NFKBIZ: variants seen among roughly 807,000 people sequenced by gnomAD.
The protein encoded by NFKBIZ is NF-kappa-B inhibitor zeta.
NFKBIZ carries 19 observed loss-of-function variants against 76.8 expected under a neutral mutation model. The ratio of observed to expected loss-of-function variants is 0.25; its 90% confidence interval spans 0.17 to 0.36. The LOEUF is 0.36. Among genes scored for constraint, NFKBIZ ranks in the 10% least tolerant of loss-of-function variants. The pLI is 1.00. For synonymous variants in NFKBIZ, 368 were observed against 354.8 expected, an observed-to-expected ratio of 1.04 and a Z score of -0.42; for missense variants, 829 against 910.9, an observed-to-expected ratio of 0.91 and a Z score of 1.16.
At chr3:101,846,943 T>G (rs948039385), upstream of NFKBIZ, among the ~76,000 whole-genome samples, 35 of 152,172 alleles carry the variant, frequency 2.3e-4, no homozygotes, top group African/African-American at 8.2e-4. Context: ...CCAGGTGAGC[T>G]GGTGGTGTAA....
chr3:101,830,738 A>C (rs1388854464), intron 2 of NFKBIZ, among the ~76,000 whole-genome samples: 1 of 152,098 alleles, frequency 6.6e-6, no homozygotes, highest in Non-Finnish European at 1.5e-5. Context: ...ATGGGCATCT[A>C]GGTTGATTCC....
chr3:101,843,041 A>C (rs928069705), intron 2 of NFKBIZ, among the ~76,000 whole-genome samples: 3 of 148,394 alleles, frequency 2.0e-5, no homozygotes, highest in South Asian at 2.1e-4. Flanking sequence ...AAAAAAAAAA[A>C]AAAAAAACTT....
rs763116896 is a variant in NFKBIZ, at chr3:101,853,288, T to G, written c.762T>G (p.Cys254Trp). 8.7e-6 allele frequency: 14 copies of G among 1,614,130 alleles called. No homozygotes were observed. The East Asian group carries it at 3.1e-4, about 36-fold the overall frequency. ...CTCAGAGCTCCCCCGCAGAGCAGTGTCAGGACTTCCATGGAGGGCAGGTCT... is the reference window on the plus strand; with the variant it reads ...CTCAGAGCTCCCCCGCAGAGCAGTGGCAGGACTTCCATGGAGGGCAGGTCT... ...VVPQSSPAEQ[C>W]QDFHGGQVFS... is the part of the protein sequence containing the mutation. Residue 254 changes from cysteine (C) to tryptophan (W), a missense_variant, in exon 5 of 12, where the codon TGT becomes TGG. Cys to Trp is a radical substitution (Grantham distance 215). Coordinates refer to ENST00000326172, the MANE Select transcript of NFKBIZ (RefSeq NM_031419.4).
At position 101,849,908 on chromosome 3, in the gene NFKBIZ, C is replaced by T. The variant is rs546092647; in HGVS notation, c.280C>T (p.Arg94Cys). 1.4e-6 allele frequency: 2 copies of T among 1,423,974 alleles called. No individual in the cohort carries two copies. The highest frequency in any genetic ancestry group is 9.1e-7 in the Non-Finnish European group (1 of 1,096,750). 88.2% of individuals were successfully genotyped at this position (1,423,974 alleles called of 1,614,324 possible). A position where few individuals can be genotyped will look rare whatever the true frequency, so the allele number is the denominator to read the frequency against. Reference sequence around the variant, plus strand: ...GTCGAGAGGCGGCGCCCGCGCCGAGCGCCAGCCAGGTACCCGCCGGCCCCG... The same window carrying T: ...GTCGAGAGGCGGCGCCCGCGCCGAGTGCCAGCCAGGTACCCGCCGGCCCCG... ...SRSRGGARAE[R>C]QPVEPHMGVG... The change falls in exon 1 of 12, where the codon CGC (arginine) becomes TGC (cysteine). Residue 94 changes from arginine to cysteine, a missense_variant. Physicochemically the swap from Arg to Cys is radical, Grantham distance 180 (BLOSUM62 -3). Around this residue, in one of 4 missense-constraint regions of NFKBIZ, gnomAD observed 181 missense variants for 175.3 expected, o/e 1.03. Transcript: ENST00000326172.
Position 101,849,835 on chromosome 3 carries a change from C to T in NFKBIZ, c.207C>T (p.Asp69=). The change falls in exon 1 of 12, where the codon GAC becomes GAT. Residue 69 remains aspartate, a synonymous_variant. Transcript: ENST00000326172. ...APGSPGSDSS[D]FSSASSVSSC... is the part of the protein sequence containing the mutation. ...GCTCGCCCGGCTCCGACTCCTCCGA[C>T]TTCTCCTCTGCCTCGTCGGTGTCCT... is the stretch of plus-strand genomic sequence containing the variant. 6.8e-7 allele frequency: 1 copy of T among 1,474,502 alleles called. No individual in the cohort carries two copies. The highest frequency in any genetic ancestry group is 1.5e-5 in the African/African-American group (1 of 68,312). The allele number at this position is 1,474,502 out of a possible 1,614,324, so 91.3% of individuals were successfully genotyped here.
In NFKBIZ at chr3:101,852,176, C is replaced by T. The variant is rs1942974515; in HGVS notation, c.381C>T (p.Ile127=). ...KNSVKELLLH[I]RSHKQKASGQ... ...CAGTGAAGGAACTCCTGTTGCACAT[C>T]CGAAGTCATAAACAGAAGGCTTCTG... Residue 127 remains isoleucine (I), a synonymous_variant, in exon 2 of 12, where the codon ATC becomes ATT. Transcript: ENST00000326172. The T allele has an allele frequency of 1.2e-6, 2 of 1,614,078 alleles. No homozygotes were observed. Among genetic ancestry groups the T allele is most frequent in the Admixed American group, 3.3e-5 (2 of 60,000 alleles).
Position 101,838,172 on chromosome 3 carries a change from A to G in NFKBIZ, c.-12+8484A>G, listed in dbSNP as rs867329612. Among the ~76,000 whole-genome samples, 5 of 152,314 alleles carry G rather than the reference A, an allele frequency of 3.3e-5. No individual in the cohort carries two copies. The Middle Eastern group carries it at 0.01, about 311-fold the overall frequency. Reference sequence around the variant, plus strand: ...CACAAATAAGAGGGAGATTTACTCAATGGTCATAATAATTTATGGGAACAG... The same window carrying G: ...CACAAATAAGAGGGAGATTTACTCAGTGGTCATAATAATTTATGGGAACAG... On this transcript the variant is annotated intron_variant, in intron 2 of 12. Coordinates refer to the NFKBIZ transcript ENST00000394054.
rs776150669 is a variant in NFKBIZ at position 101,855,793 on chromosome 3, G to A, written c.1715G>A (p.Arg572Lys). The change falls in exon 9 of 12, where the codon AGA becomes AAA. Residue 572 changes from arginine (R) to lysine (K), a missense_variant. By Grantham distance (26) the Arg-to-Lys change is conservative. Transcript: ENST00000326172. ...AATGCTGTGGTCCATGAACTCCAGA[G>A]AAATCAACAGCCTCATTCACCTGAA... ...AHNAVVHELQ[R>K]NQQPHSPEVQ... 6.2e-7 allele frequency: 1 copy of A among 1,614,024 alleles called. No homozygotes were observed. The highest frequency in any genetic ancestry group is 1.1e-5 in the South Asian group (1 of 91,080).
At chr3:101,851,986 G>A in intron 1 of NFKBIZ, 99 bp from the exon 2 acceptor site, 2 of 1,423,620 alleles carry the variant, frequency 1.4e-6, no homozygotes, top group Non-Finnish European at 1.9e-6. Context: ...GCTGCTTGGG[G>A]ACTTTATACA....
chr3:101,829,080 A>C (rs1942604456), intron 1 of NFKBIZ, among the ~76,000 whole-genome samples: 1 of 152,296 alleles, frequency 6.6e-6, no homozygotes, highest in Non-Finnish European at 1.5e-5. Flanking sequence ...GGCATCAGCC[A>C]CACAGATCAT....
At chr3:101,842,615 T>G (rs1312287164) in intron 2 of NFKBIZ, among the ~76,000 whole-genome samples, 1 of 151,156 alleles carries the variant, frequency 6.6e-6, no homozygotes, top group Non-Finnish European at 1.5e-5. Context: ...TTTTAGCTCT[T>G]CAGCTGCCAT....
intron 2 of NFKBIZ, among the ~76,000 whole-genome samples, chr3:101,834,210 T>A (rs1942684094): frequency 6.6e-6 from 1 of 152,132 alleles, no homozygotes; most frequent in Non-Finnish European, 1.5e-5. Flanking sequence ...GCTGGCTTTC[T>A]TGTTTCTGTT....
At chr3:101,829,106 A>T (rs1475632656) in intron 1 of NFKBIZ, among the ~76,000 whole-genome samples, 1 of 152,068 alleles carries the variant, frequency 6.6e-6, no homozygotes, top group African/African-American at 2.4e-5. Flanking sequence ...CAGGCAGATA[A>T]CCCTGCCTGT....
intron 6 of NFKBIZ, 98 bp from the exon 7 acceptor site, chr3:101,854,964 C>A: frequency 7.7e-7 from 1 of 1,297,638 alleles, no homozygotes; most frequent in Non-Finnish European, 1.1e-6. Context: ...TTTATTTTCT[C>A]TCTGTGGGTT....
At chr3:101,859,262 AC>A in intron 11 of NFKBIZ, 55 bp from the exon 12 acceptor site, 1 of 1,378,598 alleles carries the variant, frequency 7.3e-7, no homozygotes, top group Non-Finnish European at 1.0e-6. Context: ...AGAAGGAAAT[AC>A]ACCACATTGG....
intron 2 of NFKBIZ, among the ~76,000 whole-genome samples, chr3:101,829,957 A>T (rs2107390456): frequency 6.6e-6 from 1 of 152,176 alleles, no homozygotes; most frequent in East Asian, 1.9e-4. Context: ...TTCCATAGCA[A>T]GAGGACATAT....
At chr3:101,851,869 G>T (rs1273177092) in intron 1 of NFKBIZ, among the ~76,000 whole-genome samples, 1 of 152,126 alleles carries the variant, frequency 6.6e-6, no homozygotes, top group Non-Finnish European at 1.5e-5. Context: ...TAATTTCTTA[G>T]GGTACCCAGT....
intron 2 of NFKBIZ, among the ~76,000 whole-genome samples, chr3:101,839,198 T>C (rs1264893263): frequency 6.6e-6 from 1 of 152,122 alleles, no homozygotes; most frequent in Non-Finnish European, 1.5e-5. Flanking sequence ...TAGAGACTTA[T>C]AAAAACAAAC....
In NFKBIZ at chr3:101,849,665, GGA is replaced by G; in HGVS notation, c.41_42del (p.Glu14GlyfsTer84). 1 of 1,402,562 alleles carries G rather than the reference GGA, an allele frequency of 7.1e-7. No individual in the cohort carries two copies. The highest frequency in any genetic ancestry group is 9.2e-7 in the Non-Finnish European group (1 of 1,087,290). The allele number at this position is 1,402,562 out of a possible 1,614,324, so 86.9% of individuals were successfully genotyped here. ...VDKLLDDSRGGEGLRDAAGGC... is the reference protein window; with the variant it reads ...VDKLLDDSRGXEGLRDAAGGC... The stretch of plus-strand genomic sequence containing the variant: ...CAAGCTGCTGGACGACAGCCGCGGC[GGA>G]GAGGGGCTGCGGGACGCGGCGGGCG... On this transcript the variant is annotated frameshift_variant, in exon 1 of 12. Coordinates refer to ENST00000326172, the MANE Select transcript of NFKBIZ (RefSeq NM_031419.4). LOFTEE classifies it high-confidence loss of function.
Sources: allele counts gnomAD v4.1 joint callset (sites outside exome capture counted in the v4.1 genomes callset), GRCh38; gene constraint gnomAD v4.1.1; regional missense constraint gnomAD v4.1.1; transcripts MANE v1.5; gene names NCBI Gene and HGNC (gene_info 2026-07-23, HGNC 2026-07-21).